Variants in SGCZ observed in about 807,000 individuals in gnomAD.
SGCZ encodes sarcoglycan zeta, also known as zeta-sarcoglycan.
A neutral mutation model predicts 41.3 loss-of-function variants in SGCZ; 40 were observed. The observed-to-expected ratio is 0.97, with a 90% confidence interval of 0.75 to 1.26. SGCZ has a LOEUF of 1.26. Among genes scored for constraint, SGCZ ranks in the 50% most tolerant of loss-of-function variants. The pLI, the probability that SGCZ is intolerant of heterozygous loss-of-function variation, is 0.00. For missense variants in SGCZ, 552 were observed against 369.8 expected (o/e 1.49, Z -4.04); for synonymous variants, 206 against 137.5 (o/e 1.50, Z -3.49).
chr8:14,665,056 C>G (rs1232421715), intron 1 of SGCZ, among the ~76,000 whole-genome samples: 1 of 152,298 alleles, frequency 6.6e-6, no homozygotes, highest in East Asian at 1.9e-4. Flanking sequence ...GGTACATATG[C>G]ACAACGTGCA....
At chr8:15,197,971 ATATT>A (rs910119163) in intron 1 of SGCZ, among the ~76,000 whole-genome samples, 4 of 149,480 alleles carry the variant, frequency 2.7e-5, no homozygotes, top group African/African-American at 9.8e-5. Context: ...CATTATATAT[ATATT>A]ATGTACAGAT....
chr8:14,861,430 C>T lies in SGCZ; in HGVS notation c.40-306504G>A, dbSNP rs548700881. On this transcript the variant is annotated intron_variant, in intron 1 of 7. Transcript: ENST00000382080. ...AGAATGCTCTTGTAAGAATGAAATG[C>T]GTATATATGTATGAGCTACAAAATA... Among the ~76,000 whole-genome samples, 28 of 152,042 alleles carry T rather than the reference C, an allele frequency of 1.8e-4. No homozygotes were observed. The South Asian group carries it at 1.9e-3, about 10-fold the overall frequency.
At chr8:14,254,623 C>T (rs558565691) in intron 3 of SGCZ, among the ~76,000 whole-genome samples, 1 of 152,310 alleles carries the variant, frequency 6.6e-6, no homozygotes, top group Admixed American at 6.5e-5. Flanking sequence ...AATTTGATAT[C>T]TGATTTACAT....
chr8:14,905,647 A>G (rs1415857549), intron 1 of SGCZ, among the ~76,000 whole-genome samples: 1 of 152,116 alleles, frequency 6.6e-6, no homozygotes, highest in Admixed American at 6.6e-5. Flanking sequence ...AGTGTTTATC[A>G]TAGTGTCAAA....
chr8:15,121,940 A>ATGGAT (rs1807497239), intron 1 of SGCZ, among the ~76,000 whole-genome samples: 2 of 151,532 alleles, frequency 1.3e-5, no homozygotes, highest in Non-Finnish European at 1.5e-5. Flanking sequence ...CATTTTGGAG[A>ATGGAT]GCCTTTCAAA....
chr8:14,928,766 A>C (rs891298225), intron 1 of SGCZ, among the ~76,000 whole-genome samples: 1 of 152,140 alleles, frequency 6.6e-6, no homozygotes, highest in Non-Finnish European at 1.5e-5. Context: ...AGGTATTTCT[A>C]CAGGTAGGAA....
At chr8:14,160,816 A>C (rs1416403172) in intron 5 of SGCZ, among the ~76,000 whole-genome samples, 5 of 152,160 alleles carry the variant, frequency 3.3e-5, no homozygotes, top group Non-Finnish European at 7.4e-5. Context: ...GAGCTACGCT[A>C]GGTCTGTGAA....
chr8:15,137,462 C>G (rs944528461), intron 1 of SGCZ, among the ~76,000 whole-genome samples: 3 of 152,192 alleles, frequency 2.0e-5, no homozygotes, highest in African/African-American at 7.2e-5. Context: ...ATGTCGGGGA[C>G]CTTCCTGGCA....
chr8:14,863,218 T>C (rs1803813527), intron 1 of SGCZ, among the ~76,000 whole-genome samples: 1 of 152,186 alleles, frequency 6.6e-6, no homozygotes, highest in Non-Finnish European at 1.5e-5. Context: ...TCCGTACTGA[T>C]AGCCTTGCAG....
At chr8:14,966,227 GA>G (rs1242661526) in intron 1 of SGCZ, among the ~76,000 whole-genome samples, 1 of 151,368 alleles carries the variant, frequency 6.6e-6, no homozygotes, top group Non-Finnish European at 1.5e-5. Context: ...AAAGAAAGGA[GA>G]AAAACAGGGG....
intron 1 of SGCZ, among the ~76,000 whole-genome samples, chr8:14,668,756 C>T (rs1187966858): frequency 6.6e-6 from 1 of 152,154 alleles, no homozygotes; most frequent in Non-Finnish European, 1.5e-5. Flanking sequence ...ATGCCAACAT[C>T]ATGCAGGATT....
chr8:14,874,382 C>G (rs114274633), intron 1 of SGCZ, among the ~76,000 whole-genome samples: 103 of 152,124 alleles, frequency 6.8e-4, no homozygotes, highest in African/African-American at 2.4e-3. Flanking sequence ...CTGGTGTTTT[C>G]TACAAGCACA....
chr8:15,132,501 A>C (rs774458986), intron 1 of SGCZ, among the ~76,000 whole-genome samples: 5 of 152,228 alleles, frequency 3.3e-5, no homozygotes. Flanking sequence ...TGGAAGGTTT[A>C]CATGAGAGGG....
chr8:14,240,336 A>AAAAAAAAAT (rs1798829446), intron 3 of SGCZ, among the ~76,000 whole-genome samples: 1 of 68,226 alleles, frequency 1.5e-5, no homozygotes, highest in African/African-American at 5.3e-5. Context: ...TCAAAAAAAA[A>AAAAAAAAAT]AAAAAAAAAA....
intron 1 of SGCZ, among the ~76,000 whole-genome samples, chr8:14,666,148 C>T (rs1807903310): frequency 6.6e-6 from 1 of 152,104 alleles, no homozygotes; most frequent in Non-Finnish European, 1.5e-5. Flanking sequence ...GCCAAGCATC[C>T]ACCTGCCTTT....
chr8:14,163,142 C>G (rs1237252929), intron 5 of SGCZ, among the ~76,000 whole-genome samples: 1 of 152,172 alleles, frequency 6.6e-6, no homozygotes, highest in Non-Finnish European at 1.5e-5. Flanking sequence ...GGATTATAGG[C>G]ATGAGCCACT....
chr8:14,344,794 C>T (rs1045678983), intron 2 of SGCZ, among the ~76,000 whole-genome samples: 1 of 151,848 alleles, frequency 6.6e-6, no homozygotes, highest in Admixed American at 6.6e-5. Flanking sequence ...ATATAAACCA[C>T]GATGATATAG....
chr8:14,563,021 A>G (rs186749943), intron 1 of SGCZ, among the ~76,000 whole-genome samples: 13 of 152,302 alleles, frequency 8.5e-5, no homozygotes, highest in African/African-American at 3.1e-4. Context: ...CCTTGACCTT[A>G]TACACTATTA....
intron 2 of SGCZ, among the ~76,000 whole-genome samples, chr8:14,516,805 A>C (rs1362762787): frequency 2.6e-5 from 4 of 152,090 alleles, no homozygotes; most frequent in African/African-American, 9.7e-5. Flanking sequence ...ACTGACACTG[A>C]GTAAATTTTG....
Sources: gnomAD v4.1 joint callset for allele counts (sites outside exome capture counted in the v4.1 genomes callset) on GRCh38, gnomAD v4.1.1 for gene constraint, MANE v1.5 for transcripts, NCBI Gene and HGNC (gene_info 2026-07-23, HGNC 2026-07-21) for gene names.